Variants in ABLIM1 observed in about 807,000 individuals in gnomAD.
The protein encoded by ABLIM1 is actin binding LIM protein 1, also known as actin-binding LIM protein 1.
In ABLIM1, 40 loss-of-function variants were observed where a neutral mutation model predicts 107.0. The ratio of observed to expected loss-of-function variants is 0.37; its 90% CI spans 0.29 to 0.49. The LOEUF (loss-of-function observed/expected upper bound fraction) is 0.49, where lower values mean the gene tolerates loss of function less well. Ranked by LOEUF, ABLIM1 falls within the 20% of genes least tolerant of loss-of-function variation. The pLI is 0.97. For synonymous variants in ABLIM1, 357 were observed against 357.3 expected (o/e 1.00, Z 0.01); for missense variants, 857 against 1,008.5 (o/e 0.85, Z 2.04).
intron 14 of ABLIM1, among the ~76,000 whole-genome samples, chr10:114,451,080 C>T (rs945984925): frequency 2.0e-5 from 3 of 152,132 alleles, no homozygotes; most frequent in Non-Finnish European, 4.4e-5. Flanking sequence ...AGAGAAATGA[C>T]GTCACAGAGC....
chr10:114,768,621 G>A (rs1338086487), upstream of ABLIM1, among the ~76,000 whole-genome samples: 2 of 151,458 alleles, frequency 1.3e-5, no homozygotes, highest in African/African-American at 4.8e-5. Context: ...CGACCCACCA[G>A]CCCCTCCGAG....
At chr10:114,450,211 T>TAA (rs397759195) in intron 14 of ABLIM1, 2,277 of 141,996 alleles carry the variant, frequency 0.016, 17 homozygotes, top group African/African-American at 0.035. Context: ...CAATAAACCA[T>TAA]AAAAAAAAAA....
At chr10:114,762,055 A>C (rs1191908307) in intron 1 of ABLIM1, among the ~76,000 whole-genome samples, 1 of 149,824 alleles carries the variant, frequency 6.7e-6, no homozygotes, top group African/African-American at 2.5e-5. Context: ...TTTTTTTGAG[A>C]TGGAGTCTCA....
chr10:114,565,887 T>TTAAAAA (rs2070659916), intron 4 of ABLIM1, among the ~76,000 whole-genome samples: 2 of 148,600 alleles, frequency 1.3e-5, no homozygotes, highest in Admixed American at 6.7e-5. Context: ...CTCCGCCTCC[T>TTAAAAA]GGGTTCACAC....
At chr10:114,642,206 T>C (rs1021312297) in intron 1 of ABLIM1, among the ~76,000 whole-genome samples, 5 of 151,836 alleles carry the variant, frequency 3.3e-5, no homozygotes, top group African/African-American at 1.2e-4. Context: ...ACTGCAGGAG[T>C]TGAGCAGAGA....
chr10:114,631,425 G>A (rs1157999629), intron 1 of ABLIM1, among the ~76,000 whole-genome samples: 1 of 152,134 alleles, frequency 6.6e-6, no homozygotes, highest in African/African-American at 2.4e-5. Flanking sequence ...AGCACCTGAA[G>A]CCTTTAAAAC....
intron 2 of ABLIM1, among the ~76,000 whole-genome samples, chr10:114,596,307 G>A (rs749104482): frequency 5.9e-5 from 9 of 152,216 alleles, no homozygotes; most frequent in South Asian, 4.2e-4. Flanking sequence ...TTACTTGTAC[G>A]TCTCTTCTAA....
At chr10:114,557,681 T>G (rs549009893) in intron 4 of ABLIM1, among the ~76,000 whole-genome samples, 7,561 of 148,856 alleles carry the variant, frequency 0.051, 299 homozygotes, top group African/African-American at 0.089. Context: ...GTTTTTTTTT[T>G]TTTTTTTTTT....
chr10:114,632,144 G>C, intron 1 of ABLIM1: 1 of 985,268 alleles, frequency 1.0e-6, no homozygotes, highest in East Asian at 1.1e-4. Flanking sequence ...CCGCCCGCCC[G>C]CCGAGCTGCA....
chr10:114,516,551 T>C (rs964744618), intron 6 of ABLIM1, among the ~76,000 whole-genome samples: 1 of 152,090 alleles, frequency 6.6e-6, no homozygotes, highest in African/African-American at 2.4e-5. Context: ...ACAAAAACTG[T>C]TTCGCATCCA....
intron 6 of ABLIM1, among the ~76,000 whole-genome samples, chr10:114,511,098 G>A (rs2061794192): frequency 6.6e-6 from 1 of 152,026 alleles, no homozygotes; most frequent in Non-Finnish European, 1.5e-5. Flanking sequence ...GGTAGGGGTT[G>A]TCTTTTTATA....
chr10:114,483,143 C>A (rs1233106082), intron 8 of ABLIM1, among the ~76,000 whole-genome samples: 1 of 152,194 alleles, frequency 6.6e-6, no homozygotes, highest in African/African-American at 2.4e-5. Flanking sequence ...AAAAATACAT[C>A]ATATCATAGG....
Position 114,447,896 on chromosome 10 carries a change from G to A in ABLIM1, c.1719C>T (p.Pro573=). 3 of 1,614,030 alleles carry A rather than the reference G, an allele frequency of 1.9e-6. No individual in the cohort carries two copies. The highest frequency in any genetic ancestry group is 1.1e-5 in the South Asian group (1 of 91,068). Residue 573 remains proline, a synonymous_variant, in exon 15 of 23, where the codon CCC becomes CCT. Transcript: ENST00000533213. The part of the protein sequence containing the change: ...KIETDHWPGP[P]SFAVVGPDMK... ...GTTGCATACCTACGACAGCAAATGA[G>A]GGGGGACCAGGCCAGTGGTCCGTCT...
At chr10:114,685,474 G>A (rs948737432), upstream of ABLIM1, among the ~76,000 whole-genome samples, 2 of 152,174 alleles carry the variant, frequency 1.3e-5, no homozygotes, top group Admixed American at 1.3e-4. Context: ...AAGAGTCCTG[G>A]CTTACTCTCT....
chr10:114,486,505 T>C (rs543093117), intron 8 of ABLIM1, among the ~76,000 whole-genome samples: 1 of 152,264 alleles, frequency 6.6e-6, no homozygotes, highest in Admixed American at 6.5e-5. Context: ...TTTATAAAGG[T>C]AACTCATTTC....
chr10:114,530,763 A>C (rs2065362886), intron 6 of ABLIM1, among the ~76,000 whole-genome samples: 1 of 152,160 alleles, frequency 6.6e-6, no homozygotes, highest in African/African-American at 2.4e-5. Context: ...CAAACTTCTG[A>C]ACTTAGGTGA....
chr10:114,460,839 C>A (rs1204886661), intron 12 of ABLIM1, among the ~76,000 whole-genome samples: 2 of 152,168 alleles, frequency 1.3e-5, no homozygotes, highest in African/African-American at 4.8e-5. Flanking sequence ...CATGGCCACT[C>A]ATGGACATGA....
At chr10:114,729,881 GT>G (rs1555229629) in intron 1 of ABLIM1, among the ~76,000 whole-genome samples, 1 of 152,078 alleles carries the variant, frequency 6.6e-6, no homozygotes, top group Non-Finnish European at 1.5e-5. Context: ...GAATACAAAC[GT>G]TTTGAGAACA....
upstream of ABLIM1, among the ~76,000 whole-genome samples, chr10:114,685,629 T>C (rs2080914705): frequency 2.0e-5 from 3 of 152,316 alleles, no homozygotes; most frequent in South Asian, 6.2e-4. Flanking sequence ...GACTTGGCTG[T>C]AGCACCAGGC....
Sources: allele counts gnomAD v4.1 joint callset (sites outside exome capture counted in the v4.1 genomes callset), GRCh38; gene constraint gnomAD v4.1.1; transcripts MANE v1.5; gene names NCBI Gene and HGNC (gene_info 2026-07-23, HGNC 2026-07-21).